The following TSPAN9 variants were observed in gnomAD, a reference collection of about 807,000 sequenced individuals.
The protein encoded by TSPAN9 is tetraspanin 9.
Under a neutral mutation model 31.0 loss-of-function variants are expected in TSPAN9, and 16 were observed. The ratio of observed to expected loss-of-function variants is 0.52; its 90% CI spans 0.35 to 0.78. TSPAN9 has a LOEUF of 0.78. TSPAN9 is among the 30% of genes least tolerant of loss of function. The pLI is 0.01. For synonymous variants in TSPAN9, 145 were observed against 121.6 expected, an observed-to-expected ratio of 1.19 and a Z score of -1.27; for missense variants, 272 against 312.5, an observed-to-expected ratio of 0.87 and a Z score of 0.98.
intron 3 of TSPAN9, among the ~76,000 whole-genome samples, chr12:3,262,442 T>C (rs1862467425): frequency 6.6e-6 from 1 of 151,854 alleles, no homozygotes; most frequent in South Asian, 2.1e-4. Flanking sequence ...TATGAAAATG[T>C]GTAGTAATCG....
intron 2 of TSPAN9, among the ~76,000 whole-genome samples, chr12:3,085,472 C>T (rs2098300012): frequency 1.3e-5 from 2 of 151,984 alleles, no homozygotes; most frequent in Non-Finnish European, 2.9e-5. Flanking sequence ...GAGTGGAGGC[C>T]TCAGCAGACA....
At chr12:3,204,770 C>T (rs768469612) in intron 3 of TSPAN9, among the ~76,000 whole-genome samples, 5 of 152,186 alleles carry the variant, frequency 3.3e-5, no homozygotes, top group African/African-American at 1.2e-4. Flanking sequence ...TGAATTGGGA[C>T]AAAAGTTTCC....
intron 3 of TSPAN9, among the ~76,000 whole-genome samples, chr12:3,234,312 C>T (rs1041668380): frequency 1.3e-5 from 2 of 152,200 alleles, no homozygotes; most frequent in African/African-American, 2.4e-5. Context: ...TCCTCACATG[C>T]AGGCGTCTTA....
At chr12:3,253,245 C>T (rs865907490) in intron 3 of TSPAN9, among the ~76,000 whole-genome samples, 9 of 152,168 alleles carry the variant, frequency 5.9e-5, no homozygotes, top group East Asian at 1.9e-4. Context: ...AATAAAAAGA[C>T]GATAGGAAAA....
intron 3 of TSPAN9, among the ~76,000 whole-genome samples, chr12:3,218,873 C>T (rs1565618692): frequency 6.6e-6 from 1 of 151,776 alleles, no homozygotes; most frequent in Admixed American, 6.6e-5. Context: ...TTTTCCTTTA[C>T]CCCCCGGCAA....
intron 2 of TSPAN9, among the ~76,000 whole-genome samples, chr12:3,128,860 T>C (rs71458037): frequency 0.14 from 20,715 of 152,220 alleles, 1,736 homozygotes; most frequent in Middle Eastern, 0.22. Context: ...TCACACTATC[T>C]CTTTTCACAA....
In TSPAN9 at chr12:3,280,368, C is replaced by T. The variant is rs992483695; in HGVS notation, c.331-14C>T. ...CTGGTTCCAACCGTCTCACTGTGTC[C>T]CTCCGCCTGGCAGGTGAACGAGAAC... is the stretch of plus-strand genomic sequence containing the variant. On this transcript the variant is annotated splice_polypyrimidine_tract_variant and intron_variant, in intron 5 of 8. Transcript: ENST00000011898. The surrounding 1 kb of genome is among the most constrained non-coding windows in gnomAD (Gnocchi z 4.5). 6.2e-7 allele frequency: 1 copy of T among 1,611,120 alleles called. No individual in the cohort carries two copies. Among genetic ancestry groups the T allele is most frequent in the African/African-American group, 1.3e-5 (1 of 75,004 alleles).
chr12:3,198,175 C>G (rs62646341), intron 2 of TSPAN9, among the ~76,000 whole-genome samples: 1,957 of 16,828 alleles, frequency 0.12, no homozygotes, highest in Middle Eastern at 0.25. Context: ...ACCAGCACAG[C>G]TCACCACCAG....
intron 3 of TSPAN9, among the ~76,000 whole-genome samples, chr12:3,247,327 C>A (rs1862157954): frequency 6.9e-6 from 1 of 144,210 alleles, no homozygotes; most frequent in African/African-American, 2.6e-5. Context: ...CCCGCGTCCC[C>A]AAGTAGAGTG....
intron 3 of TSPAN9, among the ~76,000 whole-genome samples, chr12:3,226,164 T>G (rs2098387034): frequency 6.7e-6 from 1 of 150,196 alleles, no homozygotes; most frequent in Non-Finnish European, 1.5e-5. Flanking sequence ...TGGGGTGTGA[T>G]GGGGTGAGGG....
rs1456210457 is a variant in TSPAN9, at chr12:3,107,455, T to G, written c.-18+23736T>G. On this transcript the variant is annotated intron_variant, in intron 2 of 8. Coordinates refer to ENST00000011898, the MANE Select transcript of TSPAN9 (RefSeq NM_006675.5). The surrounding 1 kb of genome is among the most constrained non-coding windows in gnomAD (Gnocchi z 4.1). ...TCCCAGTCTTTGGGCCTGGGATCTT[T>G]CTGAGCCTTAAATCTCTGGGTTTCA... is the stretch of plus-strand genomic sequence containing the variant. Among the ~76,000 whole-genome samples, 3 of 152,182 alleles carry G rather than the reference T, an allele frequency of 2.0e-5. No individual in the cohort carries two copies. Among genetic ancestry groups the G allele is most frequent in the Admixed American group, 1.3e-4 (2 of 15,282 alleles).
chr12:3,128,781 G>A (rs540727794), intron 2 of TSPAN9, among the ~76,000 whole-genome samples: 2 of 152,242 alleles, frequency 1.3e-5, no homozygotes, highest in Admixed American at 6.5e-5. Flanking sequence ...TGAAATATAC[G>A]CAACATAAAA....
intron 2 of TSPAN9, among the ~76,000 whole-genome samples, chr12:3,159,731 G>A (rs2098344038): frequency 1.3e-5 from 2 of 152,156 alleles, no homozygotes; most frequent in Non-Finnish European, 2.9e-5. Flanking sequence ...ATAGAGAGAG[G>A]ATATTAAGAT....
chr12:3,189,091 A>G (rs1423448280), intron 2 of TSPAN9, among the ~76,000 whole-genome samples: 2 of 152,258 alleles, frequency 1.3e-5, no homozygotes, highest in Non-Finnish European at 2.9e-5. Flanking sequence ...AATGCAGAGT[A>G]AAATCAGTGT....
intron 3 of TSPAN9, among the ~76,000 whole-genome samples, chr12:3,270,561 A>G (rs1862656297): frequency 6.6e-6 from 1 of 152,230 alleles, no homozygotes; most frequent in African/African-American, 2.4e-5. Context: ...GGTGCCCCCC[A>G]TACTGAGGCT....
chr12:3,263,844 G>C (rs1862495641), intron 3 of TSPAN9, among the ~76,000 whole-genome samples: 1 of 152,194 alleles, frequency 6.6e-6, no homozygotes, highest in Non-Finnish European at 1.5e-5. Context: ...CTTCAGCTGG[G>C]CCTTGATGGC....
At chr12:3,230,781 C>G (rs2098390329) in intron 3 of TSPAN9, among the ~76,000 whole-genome samples, 1 of 152,138 alleles carries the variant, frequency 6.6e-6, no homozygotes, top group African/African-American at 2.4e-5. Flanking sequence ...CACATGCAGC[C>G]CCTGCTCCGA....
At chr12:3,109,060 C>G (rs567924615) in intron 2 of TSPAN9, among the ~76,000 whole-genome samples, 6 of 151,890 alleles carry the variant, frequency 4.0e-5, no homozygotes, top group Admixed American at 1.3e-4. Flanking sequence ...CTCAGCCTCC[C>G]GAGTAGCTGG....
intron 3 of TSPAN9, among the ~76,000 whole-genome samples, chr12:3,227,251 C>G (rs1020015645): frequency 2.0e-5 from 3 of 152,150 alleles, no homozygotes; most frequent in Non-Finnish European, 4.4e-5. Context: ...ACTAAGAGCC[C>G]CAGAGCAGCA....
Sources: gnomAD v4.1 joint callset for allele counts (sites outside exome capture counted in the v4.1 genomes callset) on GRCh38, gnomAD v4.1.1 for gene constraint, Gnocchi (gnomAD v3.1) non-coding constraint, MANE v1.5 for transcripts, NCBI Gene and HGNC (gene_info 2026-07-23, HGNC 2026-07-21) for gene names.